The following RBFOX1 variants were observed in gnomAD, a reference collection of about 807,000 sequenced individuals.
The protein encoded by RBFOX1 is RNA binding protein fox-1 homolog 1.
A neutral mutation model predicts 57.7 loss-of-function variants in RBFOX1; 8 were observed. The observed-to-expected ratio is 0.14, with a 90% confidence interval of 0.08 to 0.25. RBFOX1 has a LOEUF of 0.25. RBFOX1 is among the 10% of genes least tolerant of loss of function. The pLI, the probability that RBFOX1 is intolerant of heterozygous loss-of-function variation, is 1.00. For missense variants in RBFOX1, 611 were observed against 548.5 expected (o/e 1.11, Z -1.14); for synonymous variants, 326 against 222.4 (o/e 1.47, Z -4.15).
At chr16:7,584,292 C>A (rs888792906) in intron 6 of RBFOX1, among the ~76,000 whole-genome samples, 6 of 152,028 alleles carry the variant, frequency 3.9e-5, no homozygotes, top group African/African-American at 1.4e-4. Flanking sequence ...GCTTCTAGAT[C>A]TTGTTTGTTT....
intron 2 of RBFOX1, among the ~76,000 whole-genome samples, chr16:5,555,242 C>T (rs1267811801): frequency 6.6e-6 from 1 of 151,878 alleles, no homozygotes; most frequent in East Asian, 1.9e-4. Context: ...TTTGCAATTA[C>T]TTTTATTATT....
chr16:6,413,319 CA>C (rs34475437), intron 2 of RBFOX1, among the ~76,000 whole-genome samples: 10,342 of 114,228 alleles, frequency 0.091, 522 homozygotes, highest in African/African-American at 0.18. Flanking sequence ...AACTACATCT[CA>C]AAAAAAAAAA....
chr16:7,292,751 A>G (rs914691984), intron 4 of RBFOX1, among the ~76,000 whole-genome samples: 1 of 151,972 alleles, frequency 6.6e-6, no homozygotes, highest in African/African-American at 2.4e-5. Flanking sequence ...CTACTGAAAT[A>G]GTCTTGAATT....
chr16:6,507,507 C>CAAAAAA (rs57685233), intron 2 of RBFOX1, among the ~76,000 whole-genome samples: 7,946 of 97,050 alleles, frequency 0.082, 949 homozygotes, highest in Non-Finnish European at 0.096. Flanking sequence ...CCTATCTGTA[C>CAAAAAA]AAAAAAAAAA....
chr16:5,751,072 A>T (rs2053181237), intron 3 of RBFOX1, among the ~76,000 whole-genome samples: 1 of 152,078 alleles, frequency 6.6e-6, no homozygotes, highest in South Asian at 2.1e-4. Flanking sequence ...CAAACTTCTG[A>T]CCTGAAGAGA....
At chr16:7,105,990 A>G (rs979024752) in intron 4 of RBFOX1, among the ~76,000 whole-genome samples, 4 of 152,028 alleles carry the variant, frequency 2.6e-5, no homozygotes, top group Non-Finnish European at 5.9e-5. Flanking sequence ...CTATGAAACT[A>G]CTCAGTCCAG....
intron 3 of RBFOX1, among the ~76,000 whole-genome samples, chr16:6,791,578 G>T (rs1188562063): frequency 6.6e-6 from 1 of 152,172 alleles, no homozygotes; most frequent in Non-Finnish European, 1.5e-5. Context: ...GGCCAACATG[G>T]TGAAACCCCA....
chr16:7,256,641 C>T (rs557561398), intron 4 of RBFOX1, among the ~76,000 whole-genome samples: 48 of 152,308 alleles, frequency 3.2e-4, no homozygotes, highest in Admixed American at 9.8e-4. Flanking sequence ...TCTAAAATTT[C>T]TTACCCTCTT....
Position 6,970,252 on chromosome 16 carries a change from C to T in RBFOX1, c.-15-81805C>T, listed in dbSNP as rs188554755. On this transcript the variant is annotated intron_variant, in intron 3 of 15. Transcript: ENST00000550418. ...TGAAAAACCAAAAAAAAAGTCTTAA[C>T]AGAATAAGAAGGCAGGGTACTTTCA... 3.0e-3 allele frequency among the ~76,000 whole-genome samples: 454 copies of T among 152,168 alleles called. 5 individuals are homozygous for T. The highest frequency in any genetic ancestry group is 0.018 in the Admixed American group (280 of 15,266).
intron 1 of RBFOX1, among the ~76,000 whole-genome samples, chr16:6,276,081 T>A (rs1020860256): frequency 6.6e-6 from 1 of 152,174 alleles, no homozygotes; most frequent in African/African-American, 2.4e-5. Context: ...TATGAAGGGA[T>A]TTAACATTTT....
intron 3 of RBFOX1, among the ~76,000 whole-genome samples, chr16:6,983,896 C>A (rs964599105): frequency 2.6e-5 from 4 of 152,126 alleles, no homozygotes; most frequent in African/African-American, 9.7e-5. Context: ...TGTTGTGTGA[C>A]TCTTAGCATG....
chr16:6,959,304 T>A (rs1399120409), intron 3 of RBFOX1, among the ~76,000 whole-genome samples: 2 of 152,152 alleles, frequency 1.3e-5, no homozygotes, highest in South Asian at 2.1e-4. Context: ...CATATTAAAC[T>A]TTTTCTGTTT....
intron 4 of RBFOX1, among the ~76,000 whole-genome samples, chr16:7,493,669 G>C (rs566422030): frequency 4.6e-5 from 7 of 152,288 alleles, no homozygotes; most frequent in African/African-American, 1.4e-4. Flanking sequence ...ACAAGGTAAG[G>C]AATTAAGGTG....
chr16:6,731,831 T>A (rs2068689038), intron 3 of RBFOX1, among the ~76,000 whole-genome samples: 1 of 152,134 alleles, frequency 6.6e-6, no homozygotes, highest in African/African-American at 2.4e-5. Flanking sequence ...TGAACAACGT[T>A]TTCTAAAATC....
At chr16:6,036,628 G>A (rs2095369069) in intron 1 of RBFOX1, among the ~76,000 whole-genome samples, 1 of 152,112 alleles carries the variant, frequency 6.6e-6, no homozygotes, top group Non-Finnish European at 1.5e-5. Flanking sequence ...TTTCAGACTG[G>A]TGGGAATGTT....
intron 2 of RBFOX1, among the ~76,000 whole-genome samples, chr16:6,413,681 G>A (rs889566439): frequency 1.3e-5 from 2 of 152,188 alleles, no homozygotes; most frequent in African/African-American, 2.4e-5. Context: ...TTTGTTGGAA[G>A]AAATCCAGGA....
At chr16:5,921,752 A>C (rs1253560742) in intron 4 of RBFOX1, among the ~76,000 whole-genome samples, 1 of 152,112 alleles carries the variant, frequency 6.6e-6, no homozygotes, top group Non-Finnish European at 1.5e-5. Context: ...GGGAGGCCTC[A>C]GGAAGCTTCC....
At chr16:5,563,838 T>A (rs561479069) in intron 2 of RBFOX1, among the ~76,000 whole-genome samples, 1 of 152,192 alleles carries the variant, frequency 6.6e-6, no homozygotes, top group East Asian at 1.9e-4. Context: ...CCACATCCCA[T>A]TTCTTCTTCC....
chr16:6,960,070 C>T (rs1308560737), intron 3 of RBFOX1, among the ~76,000 whole-genome samples: 2 of 152,142 alleles, frequency 1.3e-5, no homozygotes, highest in East Asian at 1.9e-4. Context: ...TAAAGGAATT[C>T]TTAACAGGAC....
Sources: gnomAD v4.1 joint callset for allele counts (sites outside exome capture counted in the v4.1 genomes callset) on GRCh38, gnomAD v4.1.1 for gene constraint, MANE v1.5 for transcripts, NCBI Gene and HGNC (gene_info 2026-07-23, HGNC 2026-07-21) for gene names.